The following GMDS variants were observed in gnomAD, a reference collection of about 807,000 sequenced individuals.
The protein encoded by GMDS is GDP-mannose 4,6 dehydratase.
A neutral mutation model predicts 49.9 loss-of-function variants in GMDS; 20 were observed. The observed-to-expected ratio is 0.40, with a 90% CI of 0.28 to 0.58. The LOEUF (loss-of-function observed/expected upper bound fraction) is 0.58, where lower values mean the gene tolerates loss of function less well. Among genes scored for constraint, GMDS ranks in the 20% least tolerant of loss-of-function variants. The probability of loss-of-function intolerance (pLI) is 0.42; values close to 1 mark genes in which losing one functional copy is unlikely to be tolerated. For synonymous variants in GMDS, 177 were observed against 178.6 expected (o/e 0.99, Z 0.07); for missense variants, 362 against 481.4 (o/e 0.75, Z 2.32).
At chr6:1,852,173 T>C (rs1183406953) in intron 7 of GMDS, among the ~76,000 whole-genome samples, 1 of 152,206 alleles carries the variant, frequency 6.6e-6, no homozygotes, top group Non-Finnish European at 1.5e-5. Context: ...TTCAAAGCCA[T>C]GTGTTGGTGC....
chr6:2,030,322 A>G (rs1400862786), intron 4 of GMDS, among the ~76,000 whole-genome samples: 1 of 152,232 alleles, frequency 6.6e-6, no homozygotes, highest in Non-Finnish European at 1.5e-5. Flanking sequence ...GAGAGCCAAG[A>G]AAAAGATAAG....
intron 4 of GMDS, among the ~76,000 whole-genome samples, chr6:1,968,217 A>G (rs992984897): frequency 6.6e-6 from 1 of 152,242 alleles, no homozygotes; most frequent in African/African-American, 2.4e-5. Context: ...TTCACATATA[A>G]TATATTGACT....
chr6:2,174,962 T>C (rs1396826125), intron 1 of GMDS, among the ~76,000 whole-genome samples: 1 of 152,128 alleles, frequency 6.6e-6, no homozygotes, highest in Non-Finnish European at 1.5e-5. Flanking sequence ...CCTTCAGGAC[T>C]TGGGGCCAGG....
chr6:1,960,721 C>T (rs2127296950), intron 5 of GMDS, 53 bp downstream of exon 5: 4 of 1,207,452 alleles, frequency 3.3e-6, no homozygotes, highest in South Asian at 1.7e-5. Context: ...ACACACCCCC[C>T]ACACCCACAG....
At chr6:1,674,759 A>G (rs1475032995) in intron 9 of GMDS, among the ~76,000 whole-genome samples, 1 of 149,350 alleles carries the variant, frequency 6.7e-6, no homozygotes, top group Non-Finnish European at 1.5e-5. Flanking sequence ...CATGTTGCCC[A>G]GGCTGGTCTT....
chr6:1,657,116 TC>T (rs1361642193), intron 9 of GMDS, among the ~76,000 whole-genome samples: 1 of 152,224 alleles, frequency 6.6e-6, no homozygotes, highest in Non-Finnish European at 1.5e-5. Context: ...GCCTTGGTCC[TC>T]TTGACTGATT....
At chr6:1,648,100 A>G (rs1763542145) in intron 9 of GMDS, among the ~76,000 whole-genome samples, 1 of 152,188 alleles carries the variant, frequency 6.6e-6, no homozygotes, top group East Asian at 1.9e-4. Context: ...ATATCTCTTG[A>G]GAGAGTGAGG....
At chr6:2,223,259 G>A (rs965818953) in intron 1 of GMDS, among the ~76,000 whole-genome samples, 4 of 151,826 alleles carry the variant, frequency 2.6e-5, no homozygotes. Context: ...GAAACTATCC[G>A]TACAAAATGG....
intron 4 of GMDS, among the ~76,000 whole-genome samples, chr6:2,022,323 T>C (rs554746643): frequency 6.6e-6 from 1 of 152,268 alleles, no homozygotes; most frequent in African/African-American, 2.4e-5. Flanking sequence ...GATCCACACA[T>C]AGAAGCAGTA....
At chr6:1,832,054 A>T (rs1448131397) in intron 7 of GMDS, among the ~76,000 whole-genome samples, 1 of 152,096 alleles carries the variant, frequency 6.6e-6, no homozygotes, top group African/African-American at 2.4e-5. Flanking sequence ...AAGTGAAGGT[A>T]GGGTACAGAA....
intron 7 of GMDS, among the ~76,000 whole-genome samples, chr6:1,764,639 G>C (rs945632728): frequency 4.6e-5 from 7 of 152,120 alleles, no homozygotes; most frequent in Non-Finnish European, 7.4e-5. Flanking sequence ...GATCATCACC[G>C]CTCCGTAACG....
At chr6:2,044,993 C>T (rs1024591561) in intron 4 of GMDS, among the ~76,000 whole-genome samples, 2 of 151,962 alleles carry the variant, frequency 1.3e-5, no homozygotes, top group African/African-American at 2.4e-5. Context: ...CAAAAATCAT[C>T]CATTCACTAA....
intron 9 of GMDS, among the ~76,000 whole-genome samples, chr6:1,656,043 G>A (rs1419814003): frequency 6.6e-6 from 1 of 152,200 alleles, no homozygotes; most frequent in African/African-American, 2.4e-5. Flanking sequence ...GAGAGTGCGT[G>A]GTGGAGCTGA....
chr6:1,765,692 A>C (rs1459212429), intron 7 of GMDS, among the ~76,000 whole-genome samples: 1 of 152,114 alleles, frequency 6.6e-6, no homozygotes, highest in African/African-American at 2.4e-5. Flanking sequence ...TTTTCCACCC[A>C]ATCTACCCCG....
intron 7 of GMDS, among the ~76,000 whole-genome samples, chr6:1,918,836 C>T (rs1761553943): frequency 1.3e-5 from 2 of 151,962 alleles, no homozygotes; most frequent in East Asian, 3.9e-4. Context: ...AAACTGGCCA[C>T]TGTGTGAGAA....
intron 4 of GMDS, among the ~76,000 whole-genome samples, chr6:2,037,594 G>A (rs1377277604): frequency 1.3e-5 from 2 of 152,216 alleles, no homozygotes; most frequent in African/African-American, 4.8e-5. Flanking sequence ...AAACATCGGT[G>A]ATGGCATCAA....
chr6:1,880,060 T>C (rs1488593346), intron 7 of GMDS, among the ~76,000 whole-genome samples: 1 of 152,052 alleles, frequency 6.6e-6, no homozygotes, highest in African/African-American at 2.4e-5. Context: ...ATGATGAATA[T>C]TTCTTAAATA....
intron 9 of GMDS, chr6:1,625,011 G>C (rs886704991): frequency 6.5e-6 from 1 of 152,672 alleles, no homozygotes; most frequent in Non-Finnish European, 1.5e-5. Flanking sequence ...CGCGCCAAGC[G>C]CGCGTCCTAC....
chr6:1,884,075 A>C (rs1038072497), intron 7 of GMDS, among the ~76,000 whole-genome samples: 1 of 152,180 alleles, frequency 6.6e-6, no homozygotes, highest in Non-Finnish European at 1.5e-5. Context: ...CAATGTAAGG[A>C]AAAGGAGCCA....
Sources: gnomAD v4.1 joint callset for allele counts (sites outside exome capture counted in the v4.1 genomes callset) on GRCh38, gnomAD v4.1.1 for gene constraint, MANE v1.5 for transcripts, NCBI Gene and HGNC (gene_info 2026-07-23, HGNC 2026-07-21) for gene names.